The following NCAM2 variants were observed in gnomAD, a reference collection of about 807,000 sequenced individuals.
NCAM2 encodes neural cell adhesion molecule 2.
NCAM2 carries 30 observed loss-of-function variants against 98.1 expected under a neutral mutation model. The ratio of observed to expected loss-of-function variants is 0.31; its 90% confidence interval spans 0.23 to 0.41. The LOEUF is 0.41. Ranked by LOEUF, NCAM2 falls within the 10% of genes least tolerant of loss-of-function variation. The probability of loss-of-function intolerance (pLI) is 1.00; values close to 1 mark genes in which losing one functional copy is unlikely to be tolerated. For missense variants in NCAM2, 867 were observed against 1,005.8 expected (o/e 0.86, Z 1.87); for synonymous variants, 368 against 342.4 (o/e 1.07, Z -0.83).
At chr21:21,127,196 A>G (rs1395116644) in intron 1 of NCAM2, among the ~76,000 whole-genome samples, 1 of 151,986 alleles carries the variant, frequency 6.6e-6, no homozygotes, top group Non-Finnish European at 1.5e-5. Context: ...TGTAATATAT[A>G]TTTAGAAACT....
intron 1 of NCAM2, among the ~76,000 whole-genome samples, chr21:21,000,303 A>G (rs112608386): frequency 0.011 from 1,749 of 152,294 alleles, 25 homozygotes; most frequent in African/African-American, 0.039. Context: ...GTGGGGCAGA[A>G]TGGGAGCATA....
At chr21:21,417,369 A>G (rs1340178051) in intron 10 of NCAM2, among the ~76,000 whole-genome samples, 1 of 152,056 alleles carries the variant, frequency 6.6e-6, no homozygotes, top group Non-Finnish European at 1.5e-5. Context: ...GCTTATTCCT[A>G]TGATCTGTTT....
intron 1 of NCAM2, among the ~76,000 whole-genome samples, chr21:21,044,965 AAT>A (rs1299615154): frequency 2.0e-5 from 3 of 152,164 alleles, no homozygotes; most frequent in East Asian, 1.9e-4. Context: ...CACAGATACA[AAT>A]ATATATGTGT....
At chr21:21,193,268 A>G (rs922396637) in intron 1 of NCAM2, among the ~76,000 whole-genome samples, 1 of 151,576 alleles carries the variant, frequency 6.6e-6, no homozygotes, top group African/African-American at 2.4e-5. Flanking sequence ...TTATTAGATT[A>G]TTATCTTTTT....
At chr21:21,442,514 A>C (rs556423706) in intron 12 of NCAM2, among the ~76,000 whole-genome samples, 1 of 152,300 alleles carries the variant, frequency 6.6e-6, no homozygotes, top group Non-Finnish European at 1.5e-5. Context: ...ATTAAGACTT[A>C]AACTGATGTC....
intron 1 of NCAM2, among the ~76,000 whole-genome samples, chr21:21,154,662 G>T (rs1010288623): frequency 1.3e-5 from 2 of 151,768 alleles, no homozygotes; most frequent in Admixed American, 6.6e-5. Flanking sequence ...GTGTATATTT[G>T]CCATTTCTGT....
chr21:21,256,430 C>A (rs1403511187), intron 1 of NCAM2, among the ~76,000 whole-genome samples: 1 of 152,162 alleles, frequency 6.6e-6, no homozygotes, highest in Non-Finnish European at 1.5e-5. Flanking sequence ...GGGGACCAGG[C>A]TACTCCTGTT....
intron 11 of NCAM2, among the ~76,000 whole-genome samples, chr21:21,419,043 A>C (rs984394270): frequency 5.9e-5 from 9 of 152,176 alleles, no homozygotes; most frequent in Non-Finnish European, 8.8e-5. Context: ...CTTAGACTTT[A>C]GCGTGTCTAT....
chr21:21,067,217 T>G (rs1053458685), intron 1 of NCAM2, among the ~76,000 whole-genome samples: 3 of 151,882 alleles, frequency 2.0e-5, no homozygotes, highest in Non-Finnish European at 4.4e-5. Context: ...CAATCTATCT[T>G]TAAAGCTGGC....
chr21:21,410,452 G>A lies in NCAM2; in HGVS notation c.1374G>A (p.Met458Ile), dbSNP rs1175582509. The change falls in exon 10 of 18, where the codon ATG (methionine) becomes ATA (isoleucine). Residue 458 changes from methionine (M) to isoleucine (I), a missense_variant. Physicochemically the swap from Met to Ile is conservative, Grantham distance 10. Around this residue, in one of 5 missense-constraint regions of NCAM2, gnomAD observed 56 missense variants for 39.6 expected, o/e 1.41. Coordinates refer to ENST00000400546, the MANE Select transcript of NCAM2 (RefSeq NM_004540.5). ...AGACTTATAGTACAGGAAGAAAGAT[G>A]ATATTAGAGGTAAGTCCACATGTAT... ...NLKTYSTGRK[M>I]ILEIAPTSDN... 1.3e-6 allele frequency: 2 copies of A among 1,540,206 alleles called. No homozygotes were observed. Among genetic ancestry groups the A allele is most frequent in the Non-Finnish European group, 8.7e-7 (1 of 1,142,930 alleles).
rs570972959 is a variant in NCAM2, at chr21:21,079,125, A to C, written c.55+80507A>C. Among the ~76,000 whole-genome samples, 9 of 152,322 alleles carry C rather than the reference A, an allele frequency of 5.9e-5. No homozygotes were observed. The East Asian group carries it at 1.7e-3, about 29-fold the overall frequency. On this transcript the variant is annotated intron_variant, in intron 1 of 17. Transcript: ENST00000400546. Reference sequence around the variant, plus strand: ...CGCTGAAGGGTTGACAGGTGCAGCAAAACACCATGGCACAGGTATATCTAT... The same window carrying C: ...CGCTGAAGGGTTGACAGGTGCAGCACAACACCATGGCACAGGTATATCTAT...
intron 4 of NCAM2, among the ~76,000 whole-genome samples, chr21:21,286,717 TA>T (rs1164319434): frequency 5.9e-5 from 9 of 151,676 alleles, no homozygotes; most frequent in South Asian, 2.1e-4. Flanking sequence ...ATCATTAGCC[TA>T]AAAAAATGTA....
At chr21:21,044,274 TA>T (rs555319179) in intron 1 of NCAM2, among the ~76,000 whole-genome samples, 81 of 152,300 alleles carry the variant, frequency 5.3e-4, no homozygotes, top group African/African-American at 1.9e-3. Context: ...GCAGGGTTTG[TA>T]AGGGTGTGTT....
At chr21:21,120,967 C>T (rs1398710069) in intron 1 of NCAM2, among the ~76,000 whole-genome samples, 1 of 152,138 alleles carries the variant, frequency 6.6e-6, no homozygotes, top group African/African-American at 2.4e-5. Context: ...CCACCCGCCT[C>T]AGCCTCCCGA....
chr21:21,371,447 T>C (rs2075912534), intron 8 of NCAM2, among the ~76,000 whole-genome samples: 1 of 151,758 alleles, frequency 6.6e-6, no homozygotes, highest in South Asian at 2.1e-4. Flanking sequence ...TGCATATTCT[T>C]TTGTGTATCT....
Position 21,107,741 on chromosome 21 carries a change from T to A in NCAM2, c.55+109123T>A, listed in dbSNP as rs566140963. Reference sequence around the variant, plus strand: ...ATGTTGGACAGTAAGAAAGAGCAACTGGTAATCAAATGCATTTGTTATTGA... The same window carrying A: ...ATGTTGGACAGTAAGAAAGAGCAACAGGTAATCAAATGCATTTGTTATTGA... On this transcript the variant is annotated intron_variant, in intron 1 of 17. Coordinates refer to ENST00000400546, the MANE Select transcript of NCAM2 (RefSeq NM_004540.5). 2.6e-5 allele frequency among the ~76,000 whole-genome samples: 4 copies of A among 152,250 alleles called. No individual in the cohort carries two copies. In the South Asian group the frequency reaches 8.3e-4, roughly 32 times the overall value.
At chr21:21,176,997 G>T (rs970984643) in intron 1 of NCAM2, among the ~76,000 whole-genome samples, 1 of 151,984 alleles carries the variant, frequency 6.6e-6, no homozygotes, top group African/African-American at 2.4e-5. Flanking sequence ...CAATATCAAT[G>T]CCTATTTACT....
chr21:21,487,659 T>C lies in NCAM2; in HGVS notation c.2077+10188T>C, dbSNP rs944586836. On this transcript the variant is annotated intron_variant, in intron 15 of 17. Coordinates refer to ENST00000400546, the MANE Select transcript of NCAM2 (RefSeq NM_004540.5). The stretch of plus-strand genomic sequence containing the variant: ...TATCAGGATTTTTAAAATATAGATC[T>C]GGATATCTCCTTCTTTCTCCTCCCA... 1.1e-4 allele frequency among the ~76,000 whole-genome samples: 16 copies of C among 152,266 alleles called. No homozygotes were observed. In the South Asian group the frequency reaches 3.3e-3, roughly 32 times the overall value.
At chr21:21,431,122 T>TG (rs1360303650) in intron 11 of NCAM2, among the ~76,000 whole-genome samples, 29 of 117,136 alleles carry the variant, frequency 2.5e-4, no homozygotes, top group Admixed American at 1.0e-3. Flanking sequence ...ATAATATATG[T>TG]TTGTGTGTGT....
Sources: allele counts gnomAD v4.1 joint callset (sites outside exome capture counted in the v4.1 genomes callset), GRCh38; gene constraint gnomAD v4.1.1; regional missense constraint gnomAD v4.1.1; transcripts MANE v1.5; gene names NCBI Gene and HGNC (gene_info 2026-07-23, HGNC 2026-07-21).